Variants in LARGE1 observed in about 807,000 individuals in gnomAD.
LARGE1 encodes the protein xylosyl- and glucuronyltransferase LARGE1.
In LARGE1, 43 loss-of-function variants were observed where a neutral mutation model predicts 87.6. That is an observed-to-expected ratio of 0.49 (90% confidence interval 0.38 to 0.63). LARGE1 has a LOEUF of 0.63. LARGE1 is among the 30% of genes least tolerant of loss of function. The probability of loss-of-function intolerance (pLI) is 0.00; values close to 1 mark genes in which losing one functional copy is unlikely to be tolerated. For synonymous variants in LARGE1, 434 were observed against 394.6 expected (o/e 1.10, Z -1.18); for missense variants, 802 against 1,000.2 (o/e 0.80, Z 2.67).
chr22:33,836,365 G>T (rs2063109384), intron 1 of LARGE1, among the ~76,000 whole-genome samples: 1 of 152,134 alleles, frequency 6.6e-6, no homozygotes, highest in Admixed American at 6.5e-5. Flanking sequence ...ACACAATGGT[G>T]TCAACTGTGT....
intron 5 of LARGE1, among the ~76,000 whole-genome samples, chr22:33,600,484 A>G (rs1209107854): frequency 6.6e-6 from 1 of 152,176 alleles, no homozygotes; most frequent in African/African-American, 2.4e-5. Flanking sequence ...ATTCTAGGAG[A>G]ACATGTAACA....
intron 1 of LARGE1, among the ~76,000 whole-genome samples, chr22:33,918,704 G>A (rs556230281): frequency 6.6e-6 from 1 of 152,304 alleles, no homozygotes; most frequent in Admixed American, 6.5e-5. Flanking sequence ...CTTATCTTAA[G>A]TCTATCAAAG....
At chr22:33,816,873 A>G (rs962738307) in intron 1 of LARGE1, among the ~76,000 whole-genome samples, 3 of 152,274 alleles carry the variant, frequency 2.0e-5, no homozygotes, top group Admixed American at 6.5e-5. Context: ...GATGCTCTCC[A>G]GGAAAAGTGA....
intron 2 of LARGE1, among the ~76,000 whole-genome samples, chr22:33,726,919 T>C (rs2083288137): frequency 6.6e-6 from 1 of 152,096 alleles, no homozygotes; most frequent in Non-Finnish European, 1.5e-5. Context: ...TTAATAGAAA[T>C]CATTACCTAC....
intron 2 of LARGE1, among the ~76,000 whole-genome samples, chr22:33,654,280 T>C (rs2080899343): frequency 6.6e-6 from 1 of 152,046 alleles, no homozygotes; most frequent in South Asian, 2.1e-4. Context: ...AATGGCAGAA[T>C]TGTCCTTTCC....
At chr22:33,329,146 G>A (rs191773927) in intron 10 of LARGE1, among the ~76,000 whole-genome samples, 2 of 152,150 alleles carry the variant, frequency 1.3e-5, no homozygotes, top group African/African-American at 4.8e-5. Context: ...AGGAGGCTAG[G>A]AGACCAATAC....
intron 5 of LARGE1, among the ~76,000 whole-genome samples, chr22:33,582,892 C>T (rs545134741): frequency 2.8e-4 from 43 of 152,182 alleles, no homozygotes; most frequent in Non-Finnish European, 5.0e-4. Flanking sequence ...CCAAGGTGTA[C>T]CTGGCTGTGC....
At chr22:33,763,837 G>A (rs1194487246) in intron 1 of LARGE1, among the ~76,000 whole-genome samples, 2 of 96,136 alleles carry the variant, frequency 2.1e-5, no homozygotes, top group Non-Finnish European at 4.1e-5. Flanking sequence ...TAATTAGTTT[G>A]CTTTTTTTTT....
chr22:33,886,836 T>C lies in LARGE1; in HGVS notation c.-83+33159A>G, dbSNP rs571745102. On this transcript the variant is annotated intron_variant, in intron 1 of 14. Coordinates refer to ENST00000397394, the MANE Select transcript of LARGE1 (RefSeq NM_133642.5). ...CTGCGCTCACCACTGCAGGATACAGTGGCAAGGAAAACGACAAAAAGACAC... is the reference window on the plus strand; with the variant it reads ...CTGCGCTCACCACTGCAGGATACAGCGGCAAGGAAAACGACAAAAAGACAC... 2.6e-5 allele frequency among the ~76,000 whole-genome samples: 4 copies of C among 152,232 alleles called. No individual in the cohort carries two copies. In the East Asian group the frequency reaches 7.7e-4, roughly 29 times the overall value.
the LARGE1 span, among the ~76,000 whole-genome samples, chr22:33,094,656 C>A: frequency 1.3e-5 from 2 of 151,910 alleles, no homozygotes; most frequent in African/African-American, 4.8e-5. Flanking sequence ...TACTCAAATA[C>A]CACCTCATTT....
At chr22:33,862,105 C>T (rs1448474642) in intron 1 of LARGE1, among the ~76,000 whole-genome samples, 1 of 152,146 alleles carries the variant, frequency 6.6e-6, no homozygotes, top group Non-Finnish European at 1.5e-5. Flanking sequence ...AAATGATCCA[C>T]CTGCCTCACC....
chr22:33,205,788 G>GT (rs1212196601), intron 11 of LARGE1, among the ~76,000 whole-genome samples: 1 of 151,860 alleles, frequency 6.6e-6, no homozygotes, highest in African/African-American at 2.4e-5. Flanking sequence ...TGACTTTGTT[G>GT]TTTTTTTCCG....
At chr22:33,223,348 T>C (rs1925553196) in intron 11 of LARGE1, among the ~76,000 whole-genome samples, 1 of 152,216 alleles carries the variant, frequency 6.6e-6, no homozygotes, top group Non-Finnish European at 1.5e-5. Context: ...TGCCTGCCAA[T>C]TGGGCATTTC....
the LARGE1 span, among the ~76,000 whole-genome samples, chr22:33,127,907 G>T: frequency 6.6e-6 from 1 of 152,190 alleles, no homozygotes; most frequent in Non-Finnish European, 1.5e-5. Context: ...TCTTGGCACT[G>T]TAAGTTAATG....
intron 2 of LARGE1, among the ~76,000 whole-genome samples, chr22:33,757,989 T>A (rs2084583246): frequency 6.6e-6 from 1 of 152,166 alleles, no homozygotes; most frequent in African/African-American, 2.4e-5. Context: ...CGTAACTGCC[T>A]GTCTCGCTCA....
chr22:33,079,035 T>TG, the LARGE1 span, among the ~76,000 whole-genome samples: 1 of 152,162 alleles, frequency 6.6e-6, no homozygotes, highest in East Asian at 1.9e-4. Flanking sequence ...GGCTTGAACC[T>TG]GGCTCTACTT....
intron 1 of LARGE1, among the ~76,000 whole-genome samples, chr22:33,823,507 G>C (rs62227784): frequency 0.072 from 10,912 of 152,246 alleles, 510 homozygotes; most frequent in Admixed American, 0.11. Context: ...AGTTTACATG[G>C]AACTTGTAAC....
chr22:33,218,443 C>A (rs1375715973), intron 11 of LARGE1, among the ~76,000 whole-genome samples: 1 of 152,196 alleles, frequency 6.6e-6, no homozygotes, highest in Non-Finnish European at 1.5e-5. Context: ...AAACCCAGTT[C>A]ATAGGTCAAT....
intron 3 of LARGE1, among the ~76,000 whole-genome samples, chr22:33,637,805 C>T (rs1278721528): frequency 6.6e-6 from 1 of 152,074 alleles, no homozygotes; most frequent in African/African-American, 2.4e-5. Context: ...AGTCATAATC[C>T]CCAACCAAGC....
Sources: gnomAD v4.1 joint callset for allele counts (sites outside exome capture counted in the v4.1 genomes callset) on GRCh38, gnomAD v4.1.1 for gene constraint, MANE v1.5 for transcripts, NCBI Gene and HGNC (gene_info 2026-07-23, HGNC 2026-07-21) for gene names.